The following TBCD variants were observed in gnomAD, a reference collection of about 807,000 sequenced individuals.
TBCD encodes tubulin-specific chaperone D.
In TBCD, 105 loss-of-function variants were observed where a neutral mutation model predicts 169.3. The ratio of observed to expected loss-of-function variants is 0.62; its 90% CI spans 0.53 to 0.73. The LOEUF is 0.73. Ranked by LOEUF, TBCD falls within the 30% of genes least tolerant of loss-of-function variation. TBCD has a pLI of 0.00. For missense variants in TBCD, 1,444 were observed against 1,600.1 expected (o/e 0.90, Z 1.66); for synonymous variants, 700 against 643.9 (o/e 1.09, Z -1.32).
chr17:82,867,940 G>T (rs371167011), intron 13 of TBCD, among the ~76,000 whole-genome samples: 137 of 152,292 alleles, frequency 9.0e-4, no homozygotes, highest in Middle Eastern at 6.8e-3. Flanking sequence ...GGTCCCCCAG[G>T]GGGAGGACTC....
At chr17:82,801,043 G>T in intron 9 of TBCD, 47 bp downstream of exon 9, 1 of 1,556,032 alleles carries the variant, frequency 6.4e-7, no homozygotes, top group Non-Finnish European at 8.7e-7. Context: ...GGGGTGGGGA[G>T]GGGTTGCTGT....
intron 13 of TBCD, among the ~76,000 whole-genome samples, chr17:82,860,077 G>A (rs183217081): frequency 1.8e-3 from 277 of 152,368 alleles, no homozygotes; most frequent in African/African-American, 5.8e-3. Flanking sequence ...GGAGGTCTGA[G>A]TATGGGGGCT....
At chr17:82,925,675 G>A (rs939962117) in intron 27 of TBCD, among the ~76,000 whole-genome samples, 3 of 152,238 alleles carry the variant, frequency 2.0e-5, no homozygotes, top group Admixed American at 6.5e-5. Context: ...TCCTGCCTGT[G>A]TGGCGGGTGG....
At chr17:82,907,185 G>C (rs1187297376) in intron 20 of TBCD, among the ~76,000 whole-genome samples, 3 of 152,272 alleles carry the variant, frequency 2.0e-5, no homozygotes, top group African/African-American at 7.2e-5. Flanking sequence ...GGGGCCTCAT[G>C]AGGCAGGGCT....
intron 11 of TBCD, 66 bp downstream of exon 11, chr17:82,807,734 C>T (rs2051080019): frequency 6.3e-6 from 8 of 1,268,204 alleles, no homozygotes; most frequent in Non-Finnish European, 8.2e-6. Flanking sequence ...GATTCAGCAG[C>T]TACAAATACC....
chr17:82,910,705 A>C (rs1336021719), intron 22 of TBCD, among the ~76,000 whole-genome samples: 1 of 152,006 alleles, frequency 6.6e-6, no homozygotes, highest in Non-Finnish European at 1.5e-5. Context: ...AGCTGGGACT[A>C]CAGGTGCCCC....
In TBCD at chr17:82,920,704, C is replaced by T. The variant is rs538884606; in HGVS notation, c.2101+86C>T. ...AAAAATGAACCTGTTAGGATGGGGG[C>T]GATAAACGATTATAGCTTAAAGGTT... On this transcript the variant is annotated intron_variant, in intron 24 of 38. Transcript: ENST00000355528. This position sits in a 1 kb window ranked among gnomAD's most constrained non-coding sequence, Gnocchi z 4.1. 1.1e-4 allele frequency: 129 copies of T among 1,154,010 alleles called. No homozygotes were observed. The East Asian group carries it at 2.3e-3, about 21-fold the overall frequency. 71.5% of individuals were successfully genotyped at this position (1,154,010 alleles called of 1,614,324 possible). A position where few individuals can be genotyped will look rare whatever the true frequency, so the allele number is the denominator to read the frequency against.
rs2050946832 is a variant in TBCD at position 82,806,175 on chromosome 17, C to G, written c.1087+164C>G. On this transcript the variant is annotated intron_variant, in intron 10 of 38. Coordinates refer to ENST00000355528, the MANE Select transcript of TBCD (RefSeq NM_005993.5). The surrounding 1 kb of genome is among the most constrained non-coding windows in gnomAD (Gnocchi z 5.1). ...ACTGCCCGTCCTCTGGCTCCTGAAC[C>G]CAGGCCTGTCCCTGACCATGGACAG... Among the ~76,000 whole-genome samples the G allele has an allele frequency of 1.3e-5, 2 of 152,140 alleles. No homozygotes were observed. The highest frequency in any genetic ancestry group is 4.1e-4 in the South Asian group (2 of 4,830).
chr17:82,828,711 G>T (rs116283293), intron 13 of TBCD, among the ~76,000 whole-genome samples: 2 of 147,912 alleles, frequency 1.4e-5, no homozygotes, highest in African/African-American at 2.5e-5. Context: ...TACATAATGC[G>T]CATGCACTCA....
intron 16 of TBCD, among the ~76,000 whole-genome samples, chr17:82,892,505 A>T (rs918117530): frequency 6.6e-6 from 1 of 152,018 alleles, no homozygotes; most frequent in African/African-American, 2.4e-5. Context: ...AGAAAGCCGC[A>T]TGGTACCTGC....
At position 82,944,178 on chromosome 17, in the gene TBCD, T is replaced by A. The variant is rs2063514231; in HGVS notation, c.*1715T>A. ...CAGGTCGATTACCCACCCAGACCCA[T>A]CAGTGACACTATGTGGCAAAGCAGT... On this transcript the variant is annotated 3_prime_UTR_variant, in exon 39 of 39. Coordinates refer to ENST00000355528, the MANE Select transcript of TBCD (RefSeq NM_005993.5). The A allele has an allele frequency of 6.6e-6, 1 of 152,238 alleles. No homozygotes were observed. The highest frequency in any genetic ancestry group is 2.1e-4 in the South Asian group (1 of 4,830). The allele number at this position is 152,238 out of a possible 1,614,324, so 9.4% of individuals were successfully genotyped here. A position where few individuals can be genotyped will look rare whatever the true frequency, so the allele number is the denominator to read the frequency against.
intron 20 of TBCD, among the ~76,000 whole-genome samples, chr17:82,907,180 C>T (rs2060309659): frequency 6.6e-6 from 1 of 152,254 alleles, no homozygotes; most frequent in South Asian, 2.1e-4. Context: ...GTGAGGGGGC[C>T]TCATGAGGCA....
rs117740391 is a variant in TBCD at position 82,825,062 on chromosome 17, G to A, written c.1318+10128G>A. Among the ~76,000 whole-genome samples the A allele has an allele frequency of 5.4e-4, 82 of 152,226 alleles. 1 individual carries two copies. In the East Asian group the frequency reaches 0.013, roughly 25 times the overall value. ...AGATGACCTTTGGAGGAATTGTGTC[G>A]GAGTGTAGAATTTTCACAGTGTAGC... On this transcript the variant is annotated intron_variant, in intron 13 of 38. Transcript: ENST00000355528.
At chr17:82,766,667 G>T (rs1344434103) in intron 4 of TBCD, among the ~76,000 whole-genome samples, 1 of 151,986 alleles carries the variant, frequency 6.6e-6, no homozygotes, top group African/African-American at 2.4e-5. Context: ...AACTGTGTTG[G>T]GTTCCCAAGA....
chr17:82,942,358 C>T (rs374852518), intron 38 of TBCD, 91 bp from the exon 39 acceptor site: 293 of 1,582,920 alleles, frequency 1.9e-4, no homozygotes, highest in Non-Finnish European at 2.5e-4. Context: ...GTGTCAGTCC[C>T]CACACAGGGC....
chr17:82,832,499 C>T lies in TBCD; in HGVS notation c.1318+17565C>T, dbSNP rs532082181. The T allele has an allele frequency of 7.0e-5, 109 of 1,564,960 alleles. No individual in the cohort carries two copies. In the South Asian group the frequency reaches 1.1e-3, roughly 16 times the overall value. On this transcript the variant is annotated intron_variant, in intron 13 of 38. Coordinates refer to ENST00000355528, the MANE Select transcript of TBCD (RefSeq NM_005993.5). The surrounding 1 kb of genome is among the most constrained non-coding windows in gnomAD (Gnocchi z 4.9). ...ACTCTGGCTGTCCAGGTGGCGTGAT[C>T]ACTGTCGACGCCGCGTGCACTTCGT...
intron 16 of TBCD, chr17:82,893,264 T>TAA (rs1190609986): frequency 2.8e-5 from 13 of 457,874 alleles, no homozygotes; most frequent in Non-Finnish European, 5.1e-5. Context: ...AAAGGTCTCT[T>TAA]ACCACGTACC....
chr17:82,867,208 G>A (rs543749397), intron 13 of TBCD, among the ~76,000 whole-genome samples: 2 of 152,336 alleles, frequency 1.3e-5, no homozygotes, highest in African/African-American at 4.8e-5. Flanking sequence ...TCCCTTGGGG[G>A]CTTCTCACAG....
chr17:82,822,983 C>G (rs992441859), intron 13 of TBCD, among the ~76,000 whole-genome samples: 1 of 152,194 alleles, frequency 6.6e-6, no homozygotes, highest in Admixed American at 6.5e-5. Flanking sequence ...GACATGGAAA[C>G]CCGCAGAGGC....
Sources: gnomAD v4.1 joint callset for allele counts (sites outside exome capture counted in the v4.1 genomes callset) on GRCh38, gnomAD v4.1.1 for gene constraint, Gnocchi (gnomAD v3.1) non-coding constraint, MANE v1.5 for transcripts, NCBI Gene and HGNC (gene_info 2026-07-23, HGNC 2026-07-21) for gene names.